The following AKR1B15 variants were observed in gnomAD, a reference collection of about 807,000 sequenced individuals.
The protein encoded by AKR1B15 is aldo-keto reductase family 1 member B15.
AKR1B15 carries 49 observed loss-of-function variants against 38.5 expected under a neutral mutation model. The observed-to-expected ratio is 1.27, with a 90% CI of 1.01 to 1.62. AKR1B15 has a LOEUF of 1.62. Among genes scored for constraint, AKR1B15 ranks in the 40% most tolerant of loss-of-function variants. The pLI is 0.00. For synonymous variants in AKR1B15, 137 were observed against 135.5 expected, an observed-to-expected ratio of 1.01 and a Z score of -0.08; for missense variants, 411 against 381.6, an observed-to-expected ratio of 1.08 and a Z score of -0.64.
rs1794758583 is a variant in AKR1B15, at chr7:134,575,856, G to A, written c.672G>A (p.Leu224=). Residue 224 remains leucine, a synonymous_variant, in exon 8 of 12, where the codon CTG becomes CTA. Coordinates refer to ENST00000457545, the MANE Select transcript of AKR1B15 (RefSeq NM_001080538.3). Reference sequence around the variant, plus strand: ...ACCCATACCTCACGCAGGAGAAACTGATCCAGTACTGCCACTCCAAGGGCA... The same window carrying A: ...ACCCATACCTCACGCAGGAGAAACTAATCCAGTACTGCCACTCCAAGGGCA... ...ECHPYLTQEK[L]IQYCHSKGIT... is the part of the protein sequence containing the mutation. The A allele has an allele frequency of 1.2e-6, 2 of 1,613,808 alleles. No homozygotes were observed. The highest frequency in any genetic ancestry group is 1.7e-6 in the Non-Finnish European group (2 of 1,179,816).
At chr7:134,577,089 G>T (rs754752226) in intron 10 of AKR1B15, 43 bp downstream of exon 10, 2 of 1,561,464 alleles carry the variant, frequency 1.3e-6, no homozygotes, top group African/African-American at 1.4e-5. Context: ...TCAGTGGAGT[G>T]GGGGACAGGC....
At chr7:134,549,751 A>G (rs761599440) in intron 1 of AKR1B15, among the ~76,000 whole-genome samples, 2 of 152,298 alleles carry the variant, frequency 1.3e-5, no homozygotes, top group East Asian at 1.9e-4. Context: ...TTGTCTGTCT[A>G]TAAAAATTGC....
chr7:134,577,828 T>C, intron 11 of AKR1B15, 42 bp downstream of exon 11: 4 of 1,601,340 alleles, frequency 2.5e-6, no homozygotes, highest in South Asian at 1.1e-5. Flanking sequence ...CCAGGAGTTT[T>C]TCTAAACTGG....
intron 2 of AKR1B15, among the ~76,000 whole-genome samples, chr7:134,562,323 G>C (rs1024263589): frequency 6.6e-6 from 1 of 152,322 alleles, no homozygotes; most frequent in East Asian, 1.9e-4. Flanking sequence ...GTACCTAAGC[G>C]GGTTGCCTAA....
intron 1 of AKR1B15, among the ~76,000 whole-genome samples, chr7:134,549,544 G>A (rs2117578418): frequency 6.6e-6 from 1 of 152,278 alleles, no homozygotes; most frequent in South Asian, 2.1e-4. Context: ...GTAGCTCCAG[G>A]GTGAAAGCTA....
At chr7:134,558,807 T>G (rs929419179) in intron 2 of AKR1B15, among the ~76,000 whole-genome samples, 1 of 152,196 alleles carries the variant, frequency 6.6e-6, no homozygotes, top group African/African-American at 2.4e-5. Flanking sequence ...AGGCTCTACC[T>G]TCTTTTCCCT....
chr7:134,550,081 C>A (rs1472509654), intron 1 of AKR1B15, among the ~76,000 whole-genome samples: 1 of 152,164 alleles, frequency 6.6e-6, no homozygotes, highest in Non-Finnish European at 1.5e-5. Context: ...ACTGGTCCAC[C>A]TTCTCCTTAG....
At chr7:134,568,681 G>C (rs1464896775) in intron 4 of AKR1B15, among the ~76,000 whole-genome samples, 1 of 152,148 alleles carries the variant, frequency 6.6e-6, no homozygotes, top group African/African-American at 2.4e-5. Flanking sequence ...CTCAGCGACT[G>C]TGCCCCTGAG....
intron 3 of AKR1B15, chr7:134,565,086 AG>A: frequency 3.3e-6 from 1 of 303,836 alleles, no homozygotes; most frequent in African/African-American, 2.1e-5. Context: ...ATGGAATAAA[AG>A]CTGGCCACCC....
intron 4 of AKR1B15, 27 bp downstream of exon 4, chr7:134,568,352 C>T: frequency 7.4e-6 from 12 of 1,611,818 alleles, no homozygotes; most frequent in Non-Finnish European, 1.0e-5. Flanking sequence ...TGGTGGGAGG[C>T]CTTCACTTCA....
At chr7:134,557,958 C>CCT (rs35920671) in intron 2 of AKR1B15, among the ~76,000 whole-genome samples, 88,582 of 151,886 alleles carry the variant, frequency 0.58, 27,170 homozygotes, top group African/African-American at 0.8. Context: ...TACTGTAACC[C>CCT]GTTTTCTCTT....
At chr7:134,568,122 A>G (rs773829082) in intron 3 of AKR1B15, 36 bp from the exon 4 acceptor site, 1 of 1,612,382 alleles carries the variant, frequency 6.2e-7, no homozygotes, top group Admixed American at 1.7e-5. Flanking sequence ...TTAAAAAAAA[A>G]ATACATGTGT....
Position 134,579,505 on chromosome 7 carries a change from A to C in AKR1B15, c.993-2A>C. 1.9e-6 allele frequency: 3 copies of C among 1,588,500 alleles called. No individual in the cohort carries two copies. Among genetic ancestry groups the C allele is most frequent in the Non-Finnish European group, 2.6e-6 (3 of 1,168,356 alleles). ...TCTTTTTTTTTTTCTCTCTCTCTGT[A>C]GATTCTCTCATTTGGAGGACTTTCC... is the stretch of plus-strand genomic sequence containing the variant. On this transcript the variant is annotated splice_acceptor_variant, in intron 11 of 11. Coordinates refer to ENST00000457545, the MANE Select transcript of AKR1B15 (RefSeq NM_001080538.3). LOFTEE classifies it high-confidence loss of function.
intron 3 of AKR1B15, among the ~76,000 whole-genome samples, chr7:134,567,933 C>T (rs1054315824): frequency 4.6e-5 from 7 of 152,094 alleles, no homozygotes; most frequent in Non-Finnish European, 1.0e-4. Context: ...GCAAAGAAGA[C>T]CCCAGCGAAG....
chr7:134,576,038 A>G, intron 8 of AKR1B15, 111 bp downstream of exon 8: 1 of 1,489,440 alleles, frequency 6.7e-7, no homozygotes, highest in Non-Finnish European at 9.0e-7. Flanking sequence ...AATGTGTGTA[A>G]GGTAACACGT....
At position 134,568,306 on chromosome 7, in the gene AKR1B15, A is replaced by T. The variant is rs780049138; in HGVS notation, c.299A>T (p.Asp100Val). 2.5e-6 allele frequency: 4 copies of T among 1,613,936 alleles called. No homozygotes were observed. In the African/African-American group the frequency reaches 5.3e-5, roughly 22 times the overall value. The part of the protein sequence containing the change: ...KIQEKAVMRE[D>V]LFIVSKVWPT... The stretch of plus-strand genomic sequence containing the variant: ...CAAGAGAAGGCTGTGATGCGGGAGG[A>T]CCTGTTCATCGTCAGCAAGGTGCAC... Residue 100 changes from aspartate (D) to valine (V), a missense_variant, in exon 4 of 12, where the codon GAC (aspartate) becomes GTC (valine). By Grantham distance (152) the Asp-to-Val change is radical (BLOSUM62 -3). Coordinates refer to ENST00000457545, the MANE Select transcript of AKR1B15 (RefSeq NM_001080538.3).
intron 5 of AKR1B15, chr7:134,570,360 A>T (rs1794643029): frequency 6.6e-6 from 1 of 152,012 alleles, no homozygotes; most frequent in Admixed American, 6.6e-5. Context: ...CCCTGCCTCC[A>T]TTTGCCTTGT....
At position 134,569,422 on chromosome 7, in the gene AKR1B15, A is replaced by C; in HGVS notation, c.328A>C (p.Thr110Pro). The C allele has an allele frequency of 6.2e-7, 1 of 1,614,044 alleles. No individual in the cohort carries two copies. Among genetic ancestry groups the C allele is most frequent in the Non-Finnish European group, 8.5e-7 (1 of 1,179,950 alleles). The change falls in exon 5 of 12, where the codon ACT (threonine) becomes CCT (proline). Residue 110 changes from threonine (T) to proline (P), a missense_variant. Thr to Pro is a conservative substitution (Grantham distance 38, BLOSUM62 -1). Coordinates refer to ENST00000457545, the MANE Select transcript of AKR1B15 (RefSeq NM_001080538.3). ...GCTACACTCTTTGCAGGTGTGGCCC[A>C]CTTTCTTTGAGAGACCCCTTGTGAG... ...DLFIVSKVWP[T>P]FFERPLVRKA...
In AKR1B15 at chr7:134,568,165, T is replaced by G. The variant is rs778659679; in HGVS notation, c.158T>G (p.Leu53Arg). 1 of 1,614,050 alleles carries G rather than the reference T, an allele frequency of 6.2e-7. No homozygotes were observed. The highest frequency in any genetic ancestry group is 1.1e-5 in the South Asian group (1 of 91,074). ...TTTTCTTTTGCTTTTCAGTCTCTTC[T>G]CGGCAAAGTGAAAGAAGCGGTGAAG... is the stretch of plus-strand genomic sequence containing the variant. ...PLLRPYPASL[L>R]GKVKEAVKVA... Residue 53 changes from leucine (L) to arginine (R), a missense_variant, in exon 4 of 12, where the codon CTC (leucine) becomes CGC (arginine). By Grantham distance (102) the Leu-to-Arg change is moderately radical. Around this residue, in one of 3 missense-constraint regions of AKR1B15, gnomAD observed 254 missense variants for 212.4 expected, o/e 1.20. Transcript: ENST00000457545.
Sources: gnomAD v4.1 joint callset for allele counts (sites outside exome capture counted in the v4.1 genomes callset) on GRCh38, gnomAD v4.1.1 for gene constraint, gnomAD v4.1.1 regional missense constraint, MANE v1.5 for transcripts, NCBI Gene and HGNC (gene_info 2026-07-23, HGNC 2026-07-21) for gene names.